The following BBX variants were observed in gnomAD, a reference collection of about 807,000 sequenced individuals.
BBX encodes the protein BBX high mobility group box domain containing.
BBX carries 30 observed loss-of-function variants against 100.2 expected under a neutral mutation model. The ratio of observed to expected loss-of-function variants is 0.30; its 90% CI spans 0.22 to 0.41. BBX has a LOEUF of 0.41. BBX is among the 10% of genes least tolerant of loss of function. The probability of loss-of-function intolerance (pLI) is 1.00; values close to 1 mark genes in which losing one functional copy is unlikely to be tolerated. For missense variants in BBX, 1,023 were observed against 1,129.8 expected, an observed-to-expected ratio of 0.91 and a Z score of 1.35; for synonymous variants, 376 against 388.1, an observed-to-expected ratio of 0.97 and a Z score of 0.37.
chr3:107,770,350 G>A (rs891713564), intron 10 of BBX, among the ~76,000 whole-genome samples: 4 of 152,132 alleles, frequency 2.6e-5, no homozygotes, highest in African/African-American at 9.7e-5. Flanking sequence ...GAGTGACAGT[G>A]GCTGAAAAAT....
intron 3 of BBX, among the ~76,000 whole-genome samples, chr3:107,705,620 C>T (rs545616233): frequency 6.6e-6 from 1 of 152,156 alleles, no homozygotes; most frequent in African/African-American, 2.4e-5. Context: ...TCTATGCTCC[C>T]TTTTGAATGA....
intron 2 of BBX, among the ~76,000 whole-genome samples, chr3:107,591,349 G>T (rs746320753): frequency 9.9e-5 from 15 of 152,018 alleles, no homozygotes; most frequent in Non-Finnish European, 2.2e-4. Flanking sequence ...GAGTAAAATG[G>T]GTCAAAAGCA....
chr3:107,640,769 C>G (rs1371943956), intron 2 of BBX, among the ~76,000 whole-genome samples: 1 of 152,150 alleles, frequency 6.6e-6, no homozygotes, highest in Admixed American at 6.5e-5. Flanking sequence ...TCAAGTGATT[C>G]TCCTGCCTCA....
chr3:107,801,096 T>G lies in BBX; in HGVS notation c.2553T>G (p.Asp851Glu), dbSNP rs2070407261. The change falls in exon 17 of 18, where the codon GAT (aspartate) becomes GAG (glutamate). Residue 851 changes from aspartate to glutamate, a missense_variant and splice_region_variant. By Grantham distance (45) the Asp-to-Glu change is conservative. This residue lies in a region of BBX where 104 missense variants were observed against 132.2 expected (regional missense o/e 0.79). Coordinates refer to ENST00000325805, the MANE Select transcript of BBX (RefSeq NM_001142568.3). The part of the protein sequence containing the change: ...GRVSPAGGTL[D>E]DKPKEQLQRS... ...TGATGGATTTCTCTTTTGTTACAGA[T>G]GACAAACCAAAGGAACAACTGCAGA... The G allele has an allele frequency of 6.2e-7, 1 of 1,613,848 alleles. No individual in the cohort carries two copies.
chr3:107,615,659 A>G (rs1419572669), intron 2 of BBX, among the ~76,000 whole-genome samples: 2 of 152,174 alleles, frequency 1.3e-5, no homozygotes, highest in Non-Finnish European at 2.9e-5. Flanking sequence ...AGCAAGTGAC[A>G]ACTACTGAAA....
chr3:107,657,240 T>TGAAG (rs2058198778), intron 3 of BBX: 1 of 152,204 alleles, frequency 6.6e-6, no homozygotes, highest in Non-Finnish European at 1.5e-5. Flanking sequence ...AGAGACATTA[T>TGAAG]GAAGGTTATA....
At chr3:107,603,951 G>C (rs1261707998) in intron 2 of BBX, among the ~76,000 whole-genome samples, 1 of 152,042 alleles carries the variant, frequency 6.6e-6, no homozygotes, top group African/African-American at 2.4e-5. Context: ...AAGTTGGTGA[G>C]ACTTGCCTTC....
chr3:107,634,714 C>T (rs938199898), intron 2 of BBX, among the ~76,000 whole-genome samples: 1 of 152,182 alleles, frequency 6.6e-6, no homozygotes, highest in Non-Finnish European at 1.5e-5. Context: ...TGCTTTTACT[C>T]TTGTTATCAA....
At chr3:107,577,872 A>C (rs1179201758) in intron 2 of BBX, among the ~76,000 whole-genome samples, 1 of 152,180 alleles carries the variant, frequency 6.6e-6, no homozygotes, top group African/African-American at 2.4e-5. Flanking sequence ...CTGGCCAAGC[A>C]TAGAGGGCTA....
chr3:107,698,464 A>G (rs977189892), intron 3 of BBX, among the ~76,000 whole-genome samples: 2 of 151,584 alleles, frequency 1.3e-5, no homozygotes, highest in Non-Finnish European at 2.9e-5. Context: ...CAGCCTGGCC[A>G]ATATGGTGAA....
At chr3:107,702,369 G>T (rs2061130009) in intron 3 of BBX, among the ~76,000 whole-genome samples, 1 of 152,196 alleles carries the variant, frequency 6.6e-6, no homozygotes. Context: ...TTGTCAATTT[G>T]CTTGTTTCTT....
chr3:107,773,203 A>T lies in BBX; in HGVS notation c.1482A>T (p.Ala494=). 6.2e-7 allele frequency: 1 copy of T among 1,614,140 alleles called. No homozygotes were observed. The highest frequency in any genetic ancestry group is 8.5e-7 in the Non-Finnish European group (1 of 1,180,008). Residue 494 remains alanine (A), a synonymous_variant, in exon 11 of 18, where the codon GCA becomes GCT. Transcript: ENST00000325805. The surrounding 1 kb of genome is among the most constrained non-coding windows in gnomAD (Gnocchi z 4.1). ...ESVIYTIEAV[A]KGDWGIEKLG... is the part of the protein sequence containing the mutation. ...TCATATATACCATTGAAGCCGTCGC[A>T]AAAGGAGACTGGGGCATAGAGAAAC...
intron 3 of BBX, chr3:107,661,992 T>C (rs755417089): frequency 2.9e-4 from 229 of 784,902 alleles, no homozygotes; most frequent in Non-Finnish European, 3.4e-4. Flanking sequence ...CGCAGCATAG[T>C]TGGTGGTCCT....
intron 2 of BBX, among the ~76,000 whole-genome samples, chr3:107,617,141 A>T (rs964958277): frequency 8.6e-5 from 13 of 151,996 alleles, no homozygotes; most frequent in South Asian, 4.1e-4. Context: ...TTTGTGTGAA[A>T]AGGCTATCCT....
At chr3:107,708,649 A>C (rs2061528558) in intron 3 of BBX, among the ~76,000 whole-genome samples, 1 of 147,826 alleles carries the variant, frequency 6.8e-6, no homozygotes, top group Non-Finnish European at 1.5e-5. Flanking sequence ...ACTCCAACCT[A>C]GGCAACATAG....
chr3:107,625,641 C>T (rs922749005), intron 2 of BBX, among the ~76,000 whole-genome samples: 1 of 152,204 alleles, frequency 6.6e-6, no homozygotes, highest in East Asian at 1.9e-4. Context: ...TTTGTATGTC[C>T]AGAAACTCTG....
chr3:107,702,512 G>A (rs564783462), intron 3 of BBX, among the ~76,000 whole-genome samples: 4 of 152,262 alleles, frequency 2.6e-5, no homozygotes, highest in Admixed American at 2.6e-4. Flanking sequence ...AAACAGAGAA[G>A]TATTGTTTCT....
intron 5 of BBX, among the ~76,000 whole-genome samples, chr3:107,718,803 A>C (rs1390812522): frequency 6.6e-6 from 1 of 152,132 alleles, no homozygotes. Context: ...AGCCCAGTGC[A>C]GTCTAAGTGT....
chr3:107,691,733 G>C (rs1441364858), intron 3 of BBX, among the ~76,000 whole-genome samples: 4 of 152,096 alleles, frequency 2.6e-5, no homozygotes, highest in Non-Finnish European at 1.5e-5. Context: ...TATATTCAAG[G>C]CAGTATTCTA....
Sources: gnomAD v4.1 joint callset for allele counts (sites outside exome capture counted in the v4.1 genomes callset) on GRCh38, gnomAD v4.1.1 for gene constraint, gnomAD v4.1.1 regional missense constraint, Gnocchi (gnomAD v3.1) non-coding constraint, MANE v1.5 for transcripts, NCBI Gene and HGNC (gene_info 2026-07-23, HGNC 2026-07-21) for gene names.